TRIP4: variants seen among roughly 807,000 people sequenced by gnomAD.
TRIP4 encodes the protein activating signal cointegrator 1.
TRIP4 carries 54 observed loss-of-function variants against 81.8 expected under a neutral mutation model. That is an observed-to-expected ratio of 0.66 (90% CI 0.53 to 0.83). The LOEUF is 0.83. TRIP4 is among the 40% of genes least tolerant of loss of function. TRIP4 has a pLI of 0.00. For missense variants in TRIP4, 662 were observed against 683.6 expected (o/e 0.97, Z 0.35); for synonymous variants, 270 against 242.8 (o/e 1.11, Z -1.04).
At position 64,409,516 on chromosome 15, in the gene TRIP4, A is replaced by G. The variant is rs929462221; in HGVS notation, c.828-97A>G. ...GCAGAGCTTGACCTGATTTTGGAAC[A>G]TATTTGAGATATTAAGTTACCTTGA... On this transcript the variant is annotated intron_variant, in intron 6 of 12. Transcript: ENST00000261884. The G allele has an allele frequency of 3.5e-6, 4 of 1,152,258 alleles. No homozygotes were observed. The African/African-American group carries it at 6.1e-5, about 18-fold the overall frequency. The allele number at this position is 1,152,258 out of a possible 1,614,324, so 71.4% of individuals were successfully genotyped here.
At chr15:64,430,106 A>G (rs1892235765) in intron 11 of TRIP4, among the ~76,000 whole-genome samples, 1 of 152,240 alleles carries the variant, frequency 6.6e-6, no homozygotes, top group Non-Finnish European at 1.5e-5. Context: ...AATCAAGTGC[A>G]CTACACTGTT....
At chr15:64,433,590 C>T (rs915194695) in intron 11 of TRIP4, among the ~76,000 whole-genome samples, 2 of 151,936 alleles carry the variant, frequency 1.3e-5, no homozygotes, top group South Asian at 2.1e-4. Context: ...GGCAACAGTG[C>T]GAGACTCCAT....
chr15:64,419,026 C>T (rs1000651858), intron 9 of TRIP4, among the ~76,000 whole-genome samples: 5 of 152,050 alleles, frequency 3.3e-5, no homozygotes, highest in African/African-American at 1.2e-4. Context: ...ATTTTTTCAT[C>T]TTTGGAAGGA....
intron 4 of TRIP4, among the ~76,000 whole-genome samples, chr15:64,399,201 C>T (rs1425631107): frequency 6.6e-6 from 1 of 152,022 alleles, no homozygotes; most frequent in Non-Finnish European, 1.5e-5. Context: ...ATCCAACCAT[C>T]TCAGCCTCCC....
At chr15:64,407,369 T>G (rs1237980982) in intron 6 of TRIP4, among the ~76,000 whole-genome samples, 1 of 152,104 alleles carries the variant, frequency 6.6e-6, no homozygotes, top group Non-Finnish European at 1.5e-5. Context: ...GAACGTATTA[T>G]TAGAAATAGA....
intron 11 of TRIP4, among the ~76,000 whole-genome samples, chr15:64,428,788 T>C (rs1892206245): frequency 6.6e-6 from 1 of 151,868 alleles, no homozygotes; most frequent in African/African-American, 2.4e-5. Flanking sequence ...TTTTTTGTAT[T>C]TTTAGTAGAA....
chr15:64,423,932 G>A lies in TRIP4; in HGVS notation c.1359-99G>A, dbSNP rs576012774. ...GAAGGCATCATCTATAGACCTCTTG[G>A]TTCAACTGGATAATTTGCTATAGGA... On this transcript the variant is annotated intron_variant, in intron 9 of 12. Coordinates refer to ENST00000261884, the MANE Select transcript of TRIP4 (RefSeq NM_016213.5). The A allele has an allele frequency of 3.8e-5, 56 of 1,473,062 alleles. 1 individual carries two copies. In the South Asian group the frequency reaches 6.1e-4, roughly 16 times the overall value. 91.2% of individuals were successfully genotyped at this position (1,473,062 alleles called of 1,614,324 possible).
chr15:64,422,061 T>C (rs557889090), intron 9 of TRIP4, among the ~76,000 whole-genome samples: 20 of 151,368 alleles, frequency 1.3e-4, no homozygotes, highest in South Asian at 6.3e-4. Flanking sequence ...GGCTATACCA[T>C]AGCCTAGGTG....
intron 5 of TRIP4, among the ~76,000 whole-genome samples, chr15:64,403,700 C>G (rs191305933): frequency 6.6e-6 from 1 of 152,192 alleles, no homozygotes; most frequent in East Asian, 1.9e-4. Flanking sequence ...AGTCTTTTAA[C>G]TTGGTTTATT....
At chr15:64,452,144 G>T (rs1164555445) in intron 12 of TRIP4, among the ~76,000 whole-genome samples, 1 of 151,928 alleles carries the variant, frequency 6.6e-6, no homozygotes, top group African/African-American at 2.4e-5. Flanking sequence ...TGGGGGTTGA[G>T]GGGGGTTTGG....
intron 9 of TRIP4, among the ~76,000 whole-genome samples, chr15:64,419,787 A>G (rs12903003): frequency 0.74 from 113,194 of 152,046 alleles, 45,583 homozygotes; most frequent in East Asian, 0.96. Context: ...CACACCAAGA[A>G]ACCGCTGTTA....
At position 64,387,925 on chromosome 15, in the gene TRIP4, G is replaced by A; in HGVS notation, c.62G>A (p.Arg21Gln). 1 of 1,551,190 alleles carries A rather than the reference G, an allele frequency of 6.4e-7. No individual in the cohort carries two copies. The change falls in exon 1 of 13, where the codon CGG becomes CAG. Residue 21 changes from arginine to glutamine, a missense_variant. Transcript: ENST00000261884. Reference protein sequence around the residue: ...PLVHWCTQQLRKTFGLDVSEE... With the variant: ...PLVHWCTQQLQKTFGLDVSEE... ...GTGCACTGGTGCACCCAGCAGTTGC[G>A]GAAGACTTTCGGCCTGGATGTCAGC...
intron 2 of TRIP4, among the ~76,000 whole-genome samples, chr15:64,395,013 T>G (rs936120610): frequency 1.4e-4 from 21 of 151,994 alleles, no homozygotes; most frequent in African/African-American, 4.6e-4. Context: ...CCTGGCTAAT[T>G]TTTGTATTTT....
At chr15:64,421,879 AC>A (rs991646366) in intron 9 of TRIP4, among the ~76,000 whole-genome samples, 1 of 152,082 alleles carries the variant, frequency 6.6e-6, no homozygotes, top group Non-Finnish European at 1.5e-5. Flanking sequence ...CCCCATCTCT[AC>A]TAAAAATAAC....
chr15:64,408,066 C>T (rs981070652), intron 6 of TRIP4, among the ~76,000 whole-genome samples: 9 of 149,618 alleles, frequency 6.0e-5, no homozygotes, highest in Non-Finnish European at 1.2e-4. Context: ...CAGTGCACTC[C>T]AGCCTGGGTG....
rs145283880 is a variant in TRIP4, at chr15:64,395,472, C to T, written c.346C>T (p.Pro116Ser). The T allele has an allele frequency of 6.2e-7, 1 of 1,613,720 alleles. No homozygotes were observed. Among genetic ancestry groups the T allele is most frequent in the African/African-American group, 1.3e-5 (1 of 74,956 alleles). Reference protein sequence around the residue: ...RKKGRNRQEVPAFTEPDTTAE... With the variant: ...RKKGRNRQEVSAFTEPDTTAE... ...GAAAGGGAGAAACAGACAGGAAGTTCCTGCATTTACTGAACCTGACACGAC... is the reference window on the plus strand; with the variant it reads ...GAAAGGGAGAAACAGACAGGAAGTTTCTGCATTTACTGAACCTGACACGAC... The change falls in exon 3 of 13, where the codon CCT becomes TCT. Residue 116 changes from proline (P) to serine (S), a missense_variant. By Grantham distance (74) the Pro-to-Ser change is moderately conservative. Transcript: ENST00000261884.
intron 1 of TRIP4, among the ~76,000 whole-genome samples, chr15:64,389,360 G>A (rs1900048101): frequency 6.6e-6 from 1 of 152,152 alleles, no homozygotes; most frequent in Admixed American, 6.6e-5. Flanking sequence ...GGCCCTAGGA[G>A]ATGGCTCAAG....
intron 6 of TRIP4, among the ~76,000 whole-genome samples, chr15:64,408,495 G>C (rs1260525615): frequency 6.9e-5 from 10 of 144,064 alleles, no homozygotes; most frequent in Non-Finnish European, 1.5e-4. Flanking sequence ...TCCTGACCTT[G>C]TGATCCGTCC....
intron 8 of TRIP4, among the ~76,000 whole-genome samples, chr15:64,415,229 G>A (rs565942651): frequency 1.2e-4 from 18 of 152,286 alleles, no homozygotes; most frequent in Admixed American, 1.0e-3. Context: ...GAATTTCCAA[G>A]CACACAAATC....
Sources: gnomAD v4.1 joint callset for allele counts (sites outside exome capture counted in the v4.1 genomes callset) on GRCh38, gnomAD v4.1.1 for gene constraint, MANE v1.5 for transcripts, NCBI Gene and HGNC (gene_info 2026-07-23, HGNC 2026-07-21) for gene names.